Variants in CA8 observed in about 807,000 individuals in gnomAD.
The protein encoded by CA8 is carbonic anhydrase-related protein.
In CA8, 22 loss-of-function variants were observed where a neutral mutation model predicts 41.4. The observed-to-expected ratio is 0.53, with a 90% confidence interval of 0.38 to 0.76. The LOEUF (loss-of-function observed/expected upper bound fraction) is 0.76, where lower values mean the gene tolerates loss of function less well. Among genes scored for constraint, CA8 ranks in the 30% least tolerant of loss-of-function variants. The pLI, the probability that CA8 is intolerant of heterozygous loss-of-function variation, is 0.00. For missense variants in CA8, 270 were observed against 352.8 expected (o/e 0.77, Z 1.88); for synonymous variants, 121 against 130.6 (o/e 0.93, Z 0.50).
chr8:60,252,583 C>T (rs536680436), intron 3 of CA8, among the ~76,000 whole-genome samples: 30 of 152,304 alleles, frequency 2.0e-4, no homozygotes, highest in African/African-American at 6.7e-4. Flanking sequence ...TAGCTTCAAA[C>T]ATTTTAATCT....
chr8:60,255,717 T>C (rs1044015962), intron 3 of CA8, among the ~76,000 whole-genome samples: 9 of 152,220 alleles, frequency 5.9e-5, no homozygotes, highest in African/African-American at 2.2e-4. Flanking sequence ...CAGGTTCTTC[T>C]ATTCATTTCA....
At chr8:60,263,643 C>T (rs1803809886) in intron 3 of CA8, among the ~76,000 whole-genome samples, 1 of 152,212 alleles carries the variant, frequency 6.6e-6, no homozygotes, top group Non-Finnish European at 1.5e-5. Flanking sequence ...CCCTTGGTGG[C>T]AGTTCAGAAC....
chr8:60,199,412 T>C (rs1320616554), intron 8 of CA8, among the ~76,000 whole-genome samples: 10 of 152,162 alleles, frequency 6.6e-5, no homozygotes. Context: ...CTAAGATGTC[T>C]CTGAAAATAT....
At chr8:60,215,358 T>TACACAC (rs144232916) in intron 7 of CA8, among the ~76,000 whole-genome samples, 45,746 of 143,968 alleles carry the variant, frequency 0.32, 7,879 homozygotes, top group Admixed American at 0.4. Context: ...TGTGTGTGTA[T>TACACAC]ACACACACAC....
chr8:60,228,858 A>G lies in CA8; in HGVS notation c.514-1923T>C, dbSNP rs148048413. 1.3e-3 allele frequency among the ~76,000 whole-genome samples: 192 copies of G among 152,306 alleles called. 2 individuals carry two copies. The highest frequency in any genetic ancestry group is 1.9e-3 in the African/African-American group (77 of 41,566). On this transcript the variant is annotated intron_variant, in intron 4 of 8. Coordinates refer to ENST00000317995, the MANE Select transcript of CA8 (RefSeq NM_004056.6). ...GACTCTACTTTATGGGCAAAACCTCATATCTTGCAAATTCTATAAACTCTG... is the reference window on the plus strand; with the variant it reads ...GACTCTACTTTATGGGCAAAACCTCGTATCTTGCAAATTCTATAAACTCTG...
intron 3 of CA8, chr8:60,264,767 T>C (rs1368718928): frequency 6.6e-6 from 1 of 152,252 alleles, no homozygotes; most frequent in Non-Finnish European, 1.5e-5. Context: ...CTTCTAAGGT[T>C]CACGTCTTTT....
In CA8 at chr8:60,208,806, G is replaced by T; in HGVS notation, c.852C>A (p.Val284=). 1 of 1,614,090 alleles carries T rather than the reference G, an allele frequency of 6.2e-7. No homozygotes were observed. The highest frequency in any genetic ancestry group is 8.5e-7 in the Non-Finnish European group (1 of 1,180,022). ...FRPTQPLSDR[V]IRAAFQ Reference sequence around the variant, plus strand: ...TTGGCTACTGAAATGCAGCTCTAATGACTCTGTCACTAAGAGGCTGAGTGG... The same window carrying T: ...TTGGCTACTGAAATGCAGCTCTAATTACTCTGTCACTAAGAGGCTGAGTGG... The change falls in exon 8 of 9, where the codon GTC becomes GTA. Residue 284 remains valine (V), a synonymous_variant. Coordinates refer to ENST00000317995, the MANE Select transcript of CA8 (RefSeq NM_004056.6).
intron 2 of CA8, among the ~76,000 whole-genome samples, chr8:60,275,857 A>G (rs1365452212): frequency 1.3e-5 from 2 of 152,160 alleles, no homozygotes; most frequent in East Asian, 3.9e-4. Flanking sequence ...GAGAAGAGAC[A>G]CATAGAGGGG....
At chr8:60,222,999 C>T (rs1222432856) in intron 6 of CA8, among the ~76,000 whole-genome samples, 1 of 152,120 alleles carries the variant, frequency 6.6e-6, no homozygotes, top group Non-Finnish European at 1.5e-5. Flanking sequence ...ACTATAGATA[C>T]CTGTCAAGTT....
In CA8 at chr8:60,186,372, C is replaced by T. The variant is rs1455511071; in HGVS notation, c.*3649G>A. Among the ~76,000 whole-genome samples the T allele has an allele frequency of 6.6e-6, 1 of 150,568 alleles. No individual in the cohort carries two copies. The highest frequency in any genetic ancestry group is 1.5e-5 in the Non-Finnish European group (1 of 67,596). ...TAAATTAACAAGTATATGATATGCC[C>T]TTTAGCAACCACTGTGAAAATATAC... On this transcript the variant is annotated 3_prime_UTR_variant, in exon 9 of 9. Coordinates refer to ENST00000317995, the MANE Select transcript of CA8 (RefSeq NM_004056.6).
intron 3 of CA8, among the ~76,000 whole-genome samples, chr8:60,264,431 C>T (rs1421136539): frequency 2.0e-5 from 3 of 152,208 alleles, no homozygotes; most frequent in Non-Finnish European, 4.4e-5. Flanking sequence ...CTTTGTGACC[C>T]GCGACCCAGT....
rs372775678 is a variant in CA8, at chr8:60,216,550, C to G, written c.738+6099G>C. Among the ~76,000 whole-genome samples, 15 of 152,292 alleles carry G rather than the reference C, an allele frequency of 9.8e-5. No individual in the cohort carries two copies. The East Asian group carries it at 1.7e-3, about 18-fold the overall frequency. ...TCCCCTGTGGTAAGATATGGTTTATCTCCCAATCATCAGGGAGCATGACTT... is the reference window on the plus strand; with the variant it reads ...TCCCCTGTGGTAAGATATGGTTTATGTCCCAATCATCAGGGAGCATGACTT... On this transcript the variant is annotated intron_variant, in intron 7 of 8. Transcript: ENST00000317995.
chr8:60,263,474 GAAAA>G (rs112855284), intron 3 of CA8, among the ~76,000 whole-genome samples: 5 of 140,130 alleles, frequency 3.6e-5, no homozygotes, highest in African/African-American at 1.0e-4. Context: ...GTGATTTTGA[GAAAA>G]AAAAAAAGTC....
At chr8:60,264,637 C>G (rs1017288947) in intron 3 of CA8, among the ~76,000 whole-genome samples, 11 of 152,168 alleles carry the variant, frequency 7.2e-5, no homozygotes, top group Non-Finnish European at 1.3e-4. Flanking sequence ...TGGGGGCCTT[C>G]CCCATCAAGG....
At chr8:60,238,495 C>T (rs1211476151) in intron 3 of CA8, among the ~76,000 whole-genome samples, 1 of 152,076 alleles carries the variant, frequency 6.6e-6, no homozygotes, top group Non-Finnish European at 1.5e-5. Context: ...CTGACATCAA[C>T]CCTCTTCAAA....
At chr8:60,270,344 G>T (rs1804029872) in intron 2 of CA8, among the ~76,000 whole-genome samples, 1 of 152,068 alleles carries the variant, frequency 6.6e-6, no homozygotes, top group Non-Finnish European at 1.5e-5. Context: ...CACACCAGTG[G>T]GTCCCTGGTA....
At chr8:60,280,872 G>A (rs1170094165) in intron 1 of CA8, among the ~76,000 whole-genome samples, 176 bp downstream of exon 1, 1 of 152,212 alleles carries the variant, frequency 6.6e-6, no homozygotes, top group East Asian at 1.9e-4. Context: ...CGCCTCCCTG[G>A]AGCGCCTCCC....
chr8:60,250,448 T>A (rs946878755), intron 3 of CA8, among the ~76,000 whole-genome samples: 4 of 152,202 alleles, frequency 2.6e-5, no homozygotes, highest in Non-Finnish European at 5.9e-5. Context: ...AAGCTCCTCT[T>A]TTCCCTGATC....
At chr8:60,191,707 T>A (rs980021895) in intron 8 of CA8, among the ~76,000 whole-genome samples, 3 of 152,120 alleles carry the variant, frequency 2.0e-5, no homozygotes, top group Admixed American at 2.0e-4. Flanking sequence ...GAAGCATGTA[T>A]CCTAAGTTTA....
Sources: allele counts gnomAD v4.1 joint callset (sites outside exome capture counted in the v4.1 genomes callset), GRCh38; gene constraint gnomAD v4.1.1; transcripts MANE v1.5; gene names NCBI Gene and HGNC (gene_info 2026-07-23, HGNC 2026-07-21).